MAPK8: variants seen among roughly 807,000 people sequenced by gnomAD.
MAPK8 encodes the protein JUN N-terminal kinase.
A neutral mutation model predicts 52.9 loss-of-function variants in MAPK8; 13 were observed. The observed-to-expected ratio is 0.25, with a 90% confidence interval of 0.16 to 0.39. The LOEUF (loss-of-function observed/expected upper bound fraction) is 0.39, where lower values mean the gene tolerates loss of function less well. Among genes scored for constraint, MAPK8 ranks in the 10% least tolerant of loss-of-function variants. The pLI, the probability that MAPK8 is intolerant of heterozygous loss-of-function variation, is 1.00. For missense variants in MAPK8, 300 were observed against 519.2 expected (o/e 0.58, Z 4.10); for synonymous variants, 191 against 169.8 (o/e 1.12, Z -0.97).
Position 48,378,614 on chromosome 10 carries a change from G to C in MAPK8, c.-49-22998G>C, listed in dbSNP as rs192687809. Among the ~76,000 whole-genome samples the C allele has an allele frequency of 2.4e-3, 360 of 152,160 alleles. 1 individual carries two copies. Among genetic ancestry groups the C allele is most frequent in the African/African-American group, 8.3e-3 (345 of 41,532 alleles). ...AATTCAGGATTTAGTCCAAGTGGTA[G>C]ACAAATAAGAAAACTCAAAAACAAT... On this transcript the variant is annotated intron_variant, in intron 1 of 11. Coordinates refer to ENST00000374189, the MANE Select transcript of MAPK8 (RefSeq NM_001323329.2).
At chr10:48,413,030 C>T (rs1047473178) in intron 5 of MAPK8, among the ~76,000 whole-genome samples, 5 of 152,104 alleles carry the variant, frequency 3.3e-5, no homozygotes, top group South Asian at 2.1e-4. Context: ...CTCATATAAG[C>T]GGAATCATGC....
intron 1 of MAPK8, among the ~76,000 whole-genome samples, chr10:48,322,084 G>T (rs950571100): frequency 6.6e-6 from 1 of 152,202 alleles, no homozygotes; most frequent in Non-Finnish European, 1.5e-5. Flanking sequence ...AGAGAAGACA[G>T]GTTAGAGGGT....
rs1303979998 is a variant in MAPK8 at position 48,438,036 on chromosome 10, A to G, written c.*3007A>G. ...TGGCCAGTATCTGCTAAACATATGA[A>G]GACTTAACTATTCAGTGTTGCCTAG... On this transcript the variant is annotated 3_prime_UTR_variant, in exon 12 of 12. Coordinates refer to ENST00000374189, the MANE Select transcript of MAPK8 (RefSeq NM_001323329.2). The G allele has an allele frequency of 6.6e-6, 1 of 152,284 alleles. No homozygotes were observed. Among genetic ancestry groups the G allele is most frequent in the Non-Finnish European group, 1.5e-5 (1 of 68,058 alleles). 9.4% of individuals were successfully genotyped at this position (152,284 alleles called of 1,614,324 possible).
At chr10:48,382,230 C>T (rs1231815586) in intron 1 of MAPK8, among the ~76,000 whole-genome samples, 1 of 152,118 alleles carries the variant, frequency 6.6e-6, no homozygotes, top group Non-Finnish European at 1.5e-5. Context: ...GACCAGCAGA[C>T]CCAGGCAAAA....
chr10:48,405,127 A>ATATC (rs1491393031), intron 3 of MAPK8, 146 bp downstream of exon 3: 5 of 276,794 alleles, frequency 1.8e-5, no homozygotes, highest in East Asian at 6.6e-5. Context: ...ATATATATAT[A>ATATC]TCTACAGGGT....
intron 5 of MAPK8, among the ~76,000 whole-genome samples, chr10:48,418,076 TG>T (rs1170238087): frequency 1.3e-5 from 2 of 152,240 alleles, no homozygotes; most frequent in African/African-American, 4.8e-5. Flanking sequence ...TGAATGAGCA[TG>T]ACTGTGTTTC....
intron 1 of MAPK8, among the ~76,000 whole-genome samples, chr10:48,360,272 C>T (rs750870694): frequency 6.6e-6 from 1 of 152,182 alleles, no homozygotes; most frequent in Non-Finnish European, 1.5e-5. Context: ...GATGCCCAGT[C>T]TCCTTAGTAT....
chr10:48,313,496 C>T (rs1181611852), intron 1 of MAPK8, among the ~76,000 whole-genome samples: 1 of 152,106 alleles, frequency 6.6e-6, no homozygotes, highest in African/African-American at 2.4e-5. Flanking sequence ...TTTATAAAAG[C>T]ATAACAAATA....
At chr10:48,405,961 A>G (rs1053860273) in intron 3 of MAPK8, among the ~76,000 whole-genome samples, 4 of 152,222 alleles carry the variant, frequency 2.6e-5, no homozygotes, top group Non-Finnish European at 5.9e-5. Flanking sequence ...TTTTGAATAC[A>G]AAACAGACAT....
At chr10:48,417,640 G>A (rs2043135292) in intron 5 of MAPK8, among the ~76,000 whole-genome samples, 1 of 152,146 alleles carries the variant, frequency 6.6e-6, no homozygotes, top group Non-Finnish European at 1.5e-5. Flanking sequence ...AGAAGAGCAA[G>A]AGCTATGCTG....
rs45505100 is a variant in MAPK8, at chr10:48,426,420, A to G, written c.912A>G (p.Ile304Met). The G allele has an allele frequency of 1.2e-6, 2 of 1,611,264 alleles. No homozygotes were observed. The highest frequency in any genetic ancestry group is 1.7e-6 in the Non-Finnish European group (2 of 1,178,620). ...ARDLLSKMLV[I>M]DASKRISVDE... ...ATTTGTTATCCAAAATGCTGGTAAT[A>G]GATGCATCTAAAAGGATCTCTGTAG... The change falls in exon 9 of 12, where the codon ATA becomes ATG. Residue 304 changes from isoleucine (I) to methionine (M), a missense_variant. Around this residue, in one of 3 missense-constraint regions of MAPK8, gnomAD observed 119 missense variants for 154.4 expected, o/e 0.77. Coordinates refer to ENST00000374189, the MANE Select transcript of MAPK8 (RefSeq NM_001323329.2).
chr10:48,403,483 T>A (rs1564588231), intron 2 of MAPK8, among the ~76,000 whole-genome samples: 2 of 151,870 alleles, frequency 1.3e-5, no homozygotes, highest in South Asian at 2.1e-4. Context: ...TCAGAGCAAT[T>A]ATGGTAACGT....
chr10:48,311,569 A>G (rs1841986683), intron 1 of MAPK8, among the ~76,000 whole-genome samples: 1 of 152,232 alleles, frequency 6.6e-6, no homozygotes, highest in South Asian at 2.1e-4. Flanking sequence ...GAATAGCTTT[A>G]TCATGTGACA....
At chr10:48,411,847 ACCCTCTCCTCTCTTCCCCTC>A (rs2042769658) in intron 5 of MAPK8, among the ~76,000 whole-genome samples, 2 of 49,112 alleles carry the variant, frequency 4.1e-5, no homozygotes, top group African/African-American at 1.7e-4. Context: ...TCCTTTCTCC[ACCCTCTCCTCTCTTCCCCTC>A]CCCTCCCCTC....
intron 11 of MAPK8, among the ~76,000 whole-genome samples, chr10:48,432,299 C>T (rs182447987): frequency 7.2e-5 from 11 of 152,144 alleles, no homozygotes; most frequent in African/African-American, 1.2e-4. Flanking sequence ...TAAACTATAG[C>T]GACATTGTAT....
chr10:48,404,529 C>G (rs10857564), intron 2 of MAPK8, among the ~76,000 whole-genome samples: 26,009 of 152,118 alleles, frequency 0.17, 2,748 homozygotes, highest in South Asian at 0.29. Context: ...TTTAGGCTAT[C>G]TAGTGGAGCT....
chr10:48,326,934 G>A (rs1416029357), intron 1 of MAPK8, among the ~76,000 whole-genome samples: 1 of 151,760 alleles, frequency 6.6e-6, no homozygotes, highest in African/African-American at 2.4e-5. Flanking sequence ...TCAACTAGGA[G>A]TGTTTTTTGT....
chr10:48,350,252 T>C (rs2132426151), intron 1 of MAPK8, among the ~76,000 whole-genome samples: 1 of 152,278 alleles, frequency 6.6e-6, no homozygotes, highest in Non-Finnish European at 1.5e-5. Context: ...GAGAGACTTC[T>C]CCGTAACTCA....
At chr10:48,353,325 A>C (rs985132915) in intron 1 of MAPK8, among the ~76,000 whole-genome samples, 2 of 152,222 alleles carry the variant, frequency 1.3e-5, no homozygotes, top group Non-Finnish European at 2.9e-5. Context: ...GAAACACTCT[A>C]TACTCAATTT....
Sources: gnomAD v4.1 joint callset for allele counts (sites outside exome capture counted in the v4.1 genomes callset) on GRCh38, gnomAD v4.1.1 for gene constraint, gnomAD v4.1.1 regional missense constraint, MANE v1.5 for transcripts, NCBI Gene and HGNC (gene_info 2026-07-23, HGNC 2026-07-21) for gene names.